SASH1: variants seen among roughly 807,000 people sequenced by gnomAD.
SASH1 encodes the protein SAM and SH3 domain containing 1, also known as SAM and SH3 domain-containing protein 1.
Under a neutral mutation model 125.2 loss-of-function variants are expected in SASH1, and 44 were observed. That is an observed-to-expected ratio of 0.35 (90% CI 0.28 to 0.45). SASH1 has a LOEUF of 0.45. Ranked by LOEUF, SASH1 falls within the 20% of genes least tolerant of loss-of-function variation. The pLI is 1.00. For missense variants in SASH1, 1,426 were observed against 1,614.5 expected, an observed-to-expected ratio of 0.88 and a Z score of 2.00; for synonymous variants, 639 against 649.1, an observed-to-expected ratio of 0.98 and a Z score of 0.24.
upstream of SASH1, among the ~76,000 whole-genome samples, chr6:148,341,392 C>G (rs1781322499): frequency 7.2e-6 from 1 of 139,510 alleles, no homozygotes; most frequent in Middle Eastern, 4.2e-3. Flanking sequence ...AGGCTGTTCT[C>G]AAAATCCTGG....
intron 1 of SASH1, among the ~76,000 whole-genome samples, chr6:148,387,242 A>G (rs1783410599): frequency 6.7e-6 from 1 of 149,944 alleles, no homozygotes; most frequent in Admixed American, 6.6e-5. Context: ...CTCAGGCTCC[A>G]AAGTAGCTGG....
At chr6:148,320,346 G>C (rs1780606110) in intron 1 of SASH1, among the ~76,000 whole-genome samples, 1 of 152,282 alleles carries the variant, frequency 6.6e-6, no homozygotes, top group East Asian at 1.9e-4. Flanking sequence ...TTGGTGTATG[G>C]GCCACCCCCC....
intron 17 of SASH1, 48 bp from the exon 18 acceptor site, chr6:148,543,632 T>C (rs1311320461): frequency 4.1e-6 from 6 of 1,468,974 alleles, no homozygotes; most frequent in African/African-American, 1.4e-5. Flanking sequence ...ATCCGTTTGA[T>C]TGATTTGCTT....
chr6:148,248,908 AT>A, the SASH1 span, among the ~76,000 whole-genome samples: 3 of 152,042 alleles, frequency 2.0e-5, no homozygotes, highest in South Asian at 4.2e-4. Context: ...CAAACATTGT[AT>A]TTTTTTTGTA....
At chr6:148,400,334 T>C (rs1325950455) in intron 2 of SASH1, among the ~76,000 whole-genome samples, 1 of 152,250 alleles carries the variant, frequency 6.6e-6, no homozygotes, top group Admixed American at 6.5e-5. Context: ...GGCAGGGCCC[T>C]GAGCCTATGC....
chr6:148,431,974 TA>T (rs1295193321), intron 2 of SASH1, among the ~76,000 whole-genome samples: 10 of 125,676 alleles, frequency 8.0e-5, no homozygotes, highest in African/African-American at 3.1e-4. Context: ...CAAAGTAATA[TA>T]ATTTTTTTTT....
chr6:148,369,612 A>G (rs1300473314), intron 1 of SASH1, among the ~76,000 whole-genome samples: 2 of 151,626 alleles, frequency 1.3e-5, no homozygotes, highest in Non-Finnish European at 2.9e-5. Context: ...GTCAGAGCCT[A>G]GCATCTTAAC....
Position 148,540,469 on chromosome 6 carries a change from GAGAA to G in SASH1, c.2123_2126del (p.Glu708GlyfsTer9), listed in dbSNP as rs773684965. ...TAACAGCGACCAGTCAGGATCCCAG[GAGAA>G]GCTGCTCGTTGACAGCCAGGGCCTG... On this transcript the variant is annotated frameshift_variant, in exon 17 of 20. Coordinates refer to ENST00000367467, the MANE Select transcript of SASH1 (RefSeq NM_015278.5). LOFTEE classifies it high-confidence loss of function. 6.2e-7 allele frequency: 1 copy of G among 1,614,016 alleles called. No homozygotes were observed.
intron 1 of SASH1, among the ~76,000 whole-genome samples, chr6:148,275,603 A>C (rs1196206445): frequency 6.6e-6 from 1 of 152,166 alleles, no homozygotes; most frequent in Admixed American, 6.5e-5. Flanking sequence ...GACCTTCCAA[A>C]ATTCCAAGGA....
intron 1 of SASH1, among the ~76,000 whole-genome samples, chr6:148,273,273 C>T (rs1353440164): frequency 6.7e-6 from 1 of 149,198 alleles, no homozygotes; most frequent in African/African-American, 2.5e-5. Context: ...TTTTCTTCTT[C>T]TTTTTTAAAT....
At chr6:148,365,264 C>T (rs538021276) in intron 1 of SASH1, among the ~76,000 whole-genome samples, 6 of 152,254 alleles carry the variant, frequency 3.9e-5, no homozygotes, top group East Asian at 3.9e-4. Context: ...TTTTTTAAAT[C>T]GTATGGTCTG....
At chr6:148,492,497 G>C (rs1373282304) in intron 8 of SASH1, among the ~76,000 whole-genome samples, 1 of 152,176 alleles carries the variant, frequency 6.6e-6, no homozygotes, top group Non-Finnish European at 1.5e-5. Context: ...TTTTCTGACA[G>C]TTTATGCTGT....
At chr6:148,314,148 A>C (rs59193532) in intron 1 of SASH1, among the ~76,000 whole-genome samples, 1,998 of 152,264 alleles carry the variant, frequency 0.013, 46 homozygotes, top group African/African-American at 0.046. Context: ...GATAAACAAC[A>C]TGGAGTTAGA....
intron 1 of SASH1, among the ~76,000 whole-genome samples, chr6:148,275,211 T>C (rs938817333): frequency 3.3e-5 from 5 of 152,210 alleles, no homozygotes; most frequent in Admixed American, 2.6e-4. Flanking sequence ...CATTGGAGAA[T>C]ATATTTTACA....
upstream of SASH1, among the ~76,000 whole-genome samples, chr6:148,340,162 AG>A (rs1481381207): frequency 6.6e-6 from 1 of 152,166 alleles, no homozygotes; most frequent in Non-Finnish European, 1.5e-5. Flanking sequence ...CCTTGGAAGC[AG>A]CACAGTCCTC....
rs920937679 is a variant in SASH1 at position 148,548,902 on chromosome 6, G to A, written c.*344G>A. 2 of 210,472 alleles carry A rather than the reference G, an allele frequency of 9.5e-6. No individual in the cohort carries two copies. Among genetic ancestry groups the A allele is most frequent in the African/African-American group, 4.6e-5 (2 of 43,684 alleles). 13.0% of individuals were successfully genotyped at this position (210,472 alleles called of 1,614,324 possible). A position where few individuals can be genotyped will look rare whatever the true frequency, so the allele number is the denominator to read the frequency against. On this transcript the variant is annotated 3_prime_UTR_variant, in exon 20 of 20. Transcript: ENST00000367467. Reference sequence around the variant, plus strand: ...TAGAGGCTGGGAGGAGTAGGGGGCAGCCTGTTCCATTTCTGATAGTGCCCT... The same window carrying A: ...TAGAGGCTGGGAGGAGTAGGGGGCAACCTGTTCCATTTCTGATAGTGCCCT...
intron 1 of SASH1, among the ~76,000 whole-genome samples, chr6:148,317,969 A>G (rs1780525003): frequency 6.6e-6 from 1 of 152,198 alleles, no homozygotes; most frequent in Non-Finnish European, 1.5e-5. Context: ...TCTCAGCTTC[A>G]GGAACTCAGT....
intron 2 of SASH1, among the ~76,000 whole-genome samples, chr6:148,429,046 T>A (rs1219151234): frequency 1.3e-5 from 2 of 152,196 alleles, no homozygotes; most frequent in Non-Finnish European, 2.9e-5. Context: ...CACTACTGAT[T>A]TTTACCTAAA....
chr6:148,441,030 AG>A (rs1206803322), intron 4 of SASH1, among the ~76,000 whole-genome samples: 1 of 152,274 alleles, frequency 6.6e-6, no homozygotes, highest in Non-Finnish European at 1.5e-5. Context: ...GACAAAAACA[AG>A]AGAATCTTTT....
Sources: allele counts gnomAD v4.1 joint callset (sites outside exome capture counted in the v4.1 genomes callset), GRCh38; gene constraint gnomAD v4.1.1; transcripts MANE v1.5; gene names NCBI Gene and HGNC (gene_info 2026-07-23, HGNC 2026-07-21).